FUT8: variants seen among roughly 807,000 people sequenced by gnomAD.
FUT8 encodes the protein fucosyltransferase 8.
FUT8 carries 29 observed loss-of-function variants against 71.3 expected under a neutral mutation model. The observed-to-expected ratio is 0.41, with a 90% CI of 0.30 to 0.55. The LOEUF (loss-of-function observed/expected upper bound fraction) is 0.55, where lower values mean the gene tolerates loss of function less well. FUT8 is among the 20% of genes least tolerant of loss of function. The probability of loss-of-function intolerance (pLI) is 0.34; values close to 1 mark genes in which losing one functional copy is unlikely to be tolerated. For synonymous variants in FUT8, 254 were observed against 239.3 expected (o/e 1.06, Z -0.57); for missense variants, 544 against 702.1 (o/e 0.77, Z 2.55).
chr14:65,702,433 A>G (rs1448743840), intron 7 of FUT8, among the ~76,000 whole-genome samples: 1 of 152,036 alleles, frequency 6.6e-6, no homozygotes, highest in African/African-American at 2.4e-5. Flanking sequence ...TTAGTATAGT[A>G]CCGCGCATAC....
intron 2 of FUT8, among the ~76,000 whole-genome samples, chr14:65,457,267 A>G (rs2065906535): frequency 6.6e-6 from 1 of 152,228 alleles, no homozygotes; most frequent in Non-Finnish European, 1.5e-5. Flanking sequence ...CTTTTAGGCC[A>G]TGGTTGCATT....
intron 2 of FUT8, among the ~76,000 whole-genome samples, chr14:65,509,762 A>G (rs868613612): frequency 6.6e-6 from 1 of 152,084 alleles, no homozygotes; most frequent in African/African-American, 2.4e-5. Flanking sequence ...TTATTTTTGT[A>G]TGTTGATTTT....
intron 3 of FUT8, among the ~76,000 whole-genome samples, chr14:65,586,906 G>A (rs930957077): frequency 2.6e-5 from 4 of 152,058 alleles, no homozygotes; most frequent in African/African-American, 9.7e-5. Flanking sequence ...TAAAGAGTAT[G>A]TGCTGGGCGC....
intron 3 of FUT8, among the ~76,000 whole-genome samples, chr14:65,566,213 A>G (rs2140061668): frequency 6.6e-6 from 1 of 152,060 alleles, no homozygotes; most frequent in East Asian, 1.9e-4. Context: ...GATTTCTTAC[A>G]TGGTAGTGTT....
intron 7 of FUT8, among the ~76,000 whole-genome samples, chr14:65,721,332 CAG>C (rs931007444): frequency 2.6e-5 from 4 of 151,888 alleles, no homozygotes; most frequent in Middle Eastern, 3.4e-3. Flanking sequence ...CAGGTGTTTC[CAG>C]AGTCATTGTG....
At chr14:65,726,712 AC>A (rs1248782455) in intron 9 of FUT8, among the ~76,000 whole-genome samples, 1 of 152,060 alleles carries the variant, frequency 6.6e-6, no homozygotes, top group African/African-American at 2.4e-5. Context: ...ACATTTCAAA[AC>A]CAGTCATACT....
At chr14:65,444,495 TTC>T (rs2065708294) in intron 1 of FUT8, among the ~76,000 whole-genome samples, 1 of 152,168 alleles carries the variant, frequency 6.6e-6, no homozygotes, top group South Asian at 2.1e-4. Context: ...TAATGCTCTG[TTC>T]ATAATTGCCC....
chr14:65,701,803 A>G (rs1285419305), intron 7 of FUT8, among the ~76,000 whole-genome samples: 1 of 152,146 alleles, frequency 6.6e-6, no homozygotes, highest in East Asian at 1.9e-4. Flanking sequence ...AAAAATCTGT[A>G]TCTTACCCAT....
intron 2 of FUT8, among the ~76,000 whole-genome samples, chr14:65,455,969 T>C (rs1447165399): frequency 6.6e-6 from 1 of 152,194 alleles, no homozygotes; most frequent in Admixed American, 6.5e-5. Context: ...ATTATGGGGC[T>C]GGATAAAACA....
intron 2 of FUT8, among the ~76,000 whole-genome samples, chr14:65,496,037 GA>G (rs1208391356): frequency 3.9e-5 from 6 of 151,976 alleles, no homozygotes; most frequent in Admixed American, 2.6e-4. Context: ...AATTTAAGTA[GA>G]AAAAAATCAC....
Position 65,542,462 on chromosome 14 carries a change from C to T in FUT8, c.-227-18875C>T, listed in dbSNP as rs552572300. Among the ~76,000 whole-genome samples the T allele has an allele frequency of 6.6e-5, 10 of 152,228 alleles. No homozygotes were observed. The South Asian group carries it at 2.1e-3, about 32-fold the overall frequency. ...CCATAGTATCCCACAATGGTTGTACCATAATTTATTTGTTTCCCTTATTTT... is the reference window on the plus strand; with the variant it reads ...CCATAGTATCCCACAATGGTTGTACTATAATTTATTTGTTTCCCTTATTTT... On this transcript the variant is annotated intron_variant, in intron 2 of 10. Transcript: ENST00000673929.
At chr14:65,410,600 G>A (rs1223041238), upstream of FUT8, 3 of 135,350 alleles carry the variant, frequency 2.2e-5, no homozygotes, top group Admixed American at 7.4e-5. Flanking sequence ...TTTTTCAGTT[G>A]GAAGGAGGTA....
rs377450982 is a variant in FUT8 at position 65,415,505 on chromosome 14, A to T, written c.-326+2291A>T. 2.3e-4 allele frequency among the ~76,000 whole-genome samples: 35 copies of T among 152,310 alleles called. No individual in the cohort carries two copies. In the South Asian group the frequency reaches 5.0e-3, roughly 22 times the overall value. On this transcript the variant is annotated intron_variant, in intron 1 of 10. Coordinates refer to ENST00000673929, the MANE Select transcript of FUT8 (RefSeq NM_001371533.1). ...TTTTCTTAACCTTCTTGTCCTGTTC[A>T]TCAGAATCTAAGGCATGTATTCTTG...
rs370895755 is a variant in FUT8, at chr14:65,422,927, G to A, written c.-326+9713G>A. ...CCTGCCTCATCTTCCCAAAGTGCTG[G>A]GATTACAGGGATGAGCCACTGCACC... On this transcript the variant is annotated intron_variant, in intron 1 of 10. Transcript: ENST00000673929. Among the ~76,000 whole-genome samples the A allele has an allele frequency of 6.6e-5, 10 of 151,694 alleles. No homozygotes were observed. The East Asian group carries it at 1.4e-3, about 21-fold the overall frequency.
At chr14:65,649,356 T>C (rs1424934272) in intron 6 of FUT8, among the ~76,000 whole-genome samples, 3 of 152,250 alleles carry the variant, frequency 2.0e-5, no homozygotes, top group African/African-American at 7.2e-5. Context: ...AATCTGAATC[T>C]TCTTCCCTTG....
chr14:65,529,389 A>T (rs1165019828), intron 2 of FUT8: 3 of 152,016 alleles, frequency 2.0e-5, no homozygotes, highest in Non-Finnish European at 4.4e-5. Flanking sequence ...ATGCCACCAC[A>T]CCCTGCTAAT....
intron 9 of FUT8, among the ~76,000 whole-genome samples, chr14:65,729,035 T>G (rs1407404245): frequency 7.4e-5 from 2 of 27,162 alleles, no homozygotes; most frequent in Non-Finnish European, 8.5e-5. Context: ...TGTAAACATG[T>G]TTTTTTTTTT....
chr14:65,390,794 G>C, the FUT8 span, among the ~76,000 whole-genome samples: 1 of 150,608 alleles, frequency 6.6e-6, no homozygotes, highest in South Asian at 2.1e-4. Context: ...CGCCATCTCG[G>C]CTCACAGCAA....
At chr14:65,576,525 T>C (rs1886780109) in intron 3 of FUT8, among the ~76,000 whole-genome samples, 1 of 151,930 alleles carries the variant, frequency 6.6e-6, no homozygotes, top group African/African-American at 2.4e-5. Flanking sequence ...TGTACTTGTT[T>C]CCGTTTTTGT....
Sources: gnomAD v4.1 joint callset for allele counts (sites outside exome capture counted in the v4.1 genomes callset) on GRCh38, gnomAD v4.1.1 for gene constraint, MANE v1.5 for transcripts, NCBI Gene and HGNC (gene_info 2026-07-23, HGNC 2026-07-21) for gene names.